SUGCT: variants seen among roughly 807,000 people sequenced by gnomAD.
The protein encoded by SUGCT is succinyl-CoA:glutarate CoA-transferase.
In SUGCT, 41 loss-of-function variants were observed where a neutral mutation model predicts 55.0. The observed-to-expected ratio is 0.74, with a 90% CI of 0.58 to 0.97. The LOEUF is 0.97. SUGCT is among the 50% of genes least tolerant of loss of function. The pLI, the probability that SUGCT is intolerant of heterozygous loss-of-function variation, is 0.00. For missense variants in SUGCT, 568 were observed against 547.8 expected, an observed-to-expected ratio of 1.04 and a Z score of -0.37; for synonymous variants, 187 against 200.4, an observed-to-expected ratio of 0.93 and a Z score of 0.56.
At chr7:40,325,787 C>G (rs966430424) in intron 9 of SUGCT, among the ~76,000 whole-genome samples, 1 of 151,906 alleles carries the variant, frequency 6.6e-6, no homozygotes, top group Non-Finnish European at 1.5e-5. Flanking sequence ...GCCTGGGCGA[C>G]GAGCAAAACT....
At chr7:40,820,500 C>T (rs1448612727) in intron 13 of SUGCT, among the ~76,000 whole-genome samples, 2 of 152,086 alleles carry the variant, frequency 1.3e-5, no homozygotes, top group African/African-American at 4.8e-5. Context: ...AAGTTGGATT[C>T]CTAGGTACTT....
At chr7:40,260,682 C>A (rs1791161651) in intron 7 of SUGCT, among the ~76,000 whole-genome samples, 1 of 152,172 alleles carries the variant, frequency 6.6e-6, no homozygotes, top group Admixed American at 6.5e-5. Context: ...GATGGTGTCT[C>A]ACTCTGTTGC....
chr7:40,271,641 C>T (rs1792023852), intron 7 of SUGCT, among the ~76,000 whole-genome samples: 1 of 152,048 alleles, frequency 6.6e-6, no homozygotes, highest in Non-Finnish European at 1.5e-5. Flanking sequence ...TGTTGATATA[C>T]CCATCATCAC....
At chr7:40,954,114 C>T in the SUGCT span, among the ~76,000 whole-genome samples, 4 of 152,312 alleles carry the variant, frequency 2.6e-5, no homozygotes, top group African/African-American at 9.6e-5. Context: ...TTCGAGCTTC[C>T]TGGCCACTTT....
chr7:40,306,791 C>G (rs766303148), intron 8 of SUGCT, among the ~76,000 whole-genome samples: 3 of 152,164 alleles, frequency 2.0e-5, no homozygotes, highest in Non-Finnish European at 4.4e-5. Context: ...CATAACCACT[C>G]TTTGAGTCAT....
chr7:40,671,517 T>G (rs1231742895), intron 12 of SUGCT, among the ~76,000 whole-genome samples: 1 of 152,146 alleles, frequency 6.6e-6, no homozygotes, highest in Non-Finnish European at 1.5e-5. Context: ...TTCAACAAGT[T>G]AGGGGGTGCA....
intron 11 of SUGCT, among the ~76,000 whole-genome samples, chr7:40,468,254 G>A (rs1790226622): frequency 2.0e-5 from 3 of 152,134 alleles, no homozygotes; most frequent in South Asian, 2.1e-4. Context: ...TTATGTGTAC[G>A]TTTTTCACTG....
At chr7:41,037,514 T>A in the SUGCT span, among the ~76,000 whole-genome samples, 2 of 152,136 alleles carry the variant, frequency 1.3e-5, no homozygotes, top group African/African-American at 2.4e-5. Flanking sequence ...TTTTTTTTTT[T>A]TTATTTCAGA....
At chr7:40,290,019 T>A (rs1025339529) in intron 8 of SUGCT, among the ~76,000 whole-genome samples, 4 of 152,148 alleles carry the variant, frequency 2.6e-5, no homozygotes, top group Admixed American at 2.0e-4. Flanking sequence ...TACAAACAAA[T>A]GGAAGAACAT....
At chr7:40,451,418 C>G (rs570604053) in intron 10 of SUGCT, among the ~76,000 whole-genome samples, 9 of 152,240 alleles carry the variant, frequency 5.9e-5, no homozygotes, top group Non-Finnish European at 8.8e-5. Context: ...TATTTCAAAG[C>G]AGAATATTTG....
intron 12 of SUGCT, among the ~76,000 whole-genome samples, chr7:40,667,117 A>G (rs1018381987): frequency 6.6e-6 from 1 of 152,014 alleles, no homozygotes; most frequent in Admixed American, 6.6e-5. Context: ...AAAAAAAAAA[A>G]AAAAAATGCT....
chr7:40,699,514 T>A (rs1411586765), intron 12 of SUGCT, among the ~76,000 whole-genome samples: 1 of 152,178 alleles, frequency 6.6e-6, no homozygotes, highest in Non-Finnish European at 1.5e-5. Flanking sequence ...TGCAGAGGTA[T>A]GTTGTAAAGG....
At chr7:40,446,018 G>C (rs563409746) in intron 9 of SUGCT, among the ~76,000 whole-genome samples, 3 of 152,050 alleles carry the variant, frequency 2.0e-5, no homozygotes, top group Admixed American at 1.3e-4. Flanking sequence ...CAGATGAAGA[G>C]ATGTGTATTG....
At chr7:40,624,753 T>C (rs1278051429) in intron 12 of SUGCT, among the ~76,000 whole-genome samples, 5 of 149,074 alleles carry the variant, frequency 3.4e-5, no homozygotes, top group Admixed American at 1.4e-4. Context: ...CCTCTGTCTC[T>C]GTAAAACGTT....
intron 9 of SUGCT, among the ~76,000 whole-genome samples, chr7:40,323,567 GT>G (rs796753126): frequency 6.6e-6 from 1 of 151,776 alleles, no homozygotes; most frequent in Non-Finnish European, 1.5e-5. Flanking sequence ...TATTTAAAAA[GT>G]TTTTTTTAGA....
At chr7:40,587,715 T>C (rs972849577) in intron 12 of SUGCT, among the ~76,000 whole-genome samples, 1 of 152,146 alleles carries the variant, frequency 6.6e-6, no homozygotes, top group Non-Finnish European at 1.5e-5. Flanking sequence ...TAAATGAAAA[T>C]AGCTACCATA....
intron 9 of SUGCT, among the ~76,000 whole-genome samples, chr7:40,409,219 G>A (rs756603944): frequency 5.9e-5 from 9 of 152,102 alleles, no homozygotes; most frequent in Non-Finnish European, 1.3e-4. Flanking sequence ...CCTCTCCAAA[G>A]TGCTGGGATT....
chr7:40,323,109 G>A (rs1795839988), intron 9 of SUGCT, among the ~76,000 whole-genome samples: 1 of 148,864 alleles, frequency 6.7e-6, no homozygotes, highest in Non-Finnish European at 1.5e-5. Context: ...ATATGGCTCT[G>A]TTAATCTCTC....
rs1562729061 is a variant in SUGCT at position 40,377,229 on chromosome 7, TCTTCCCTTCCTTCCTTCCTTCTTTC to T, written c.816+60375_816+60399del. ...TTTTCTTTTCTTTCTTTTCTTTCTT[TCTTCCCTTCCTTCCTTCCTTCTTTC>T]TTTTTTGAGACCTAGTCTCACTCTA... On this transcript the variant is annotated intron_variant, in intron 9 of 13. Transcript: ENST00000335693. 2.8e-3 allele frequency among the ~76,000 whole-genome samples: 55 copies of T among 19,948 alleles called. 16 individuals carry two copies. The highest frequency in any genetic ancestry group is 3.6e-3 in the Non-Finnish European group (29 of 8,022). The allele number at this position is 19,948 out of a possible 152,430, so 13.1% of individuals were successfully genotyped here. A position where few individuals can be genotyped will look rare whatever the true frequency, so the allele number is the denominator to read the frequency against.
Sources: allele counts gnomAD v4.1 joint callset (sites outside exome capture counted in the v4.1 genomes callset), GRCh38; gene constraint gnomAD v4.1.1; transcripts MANE v1.5; gene names NCBI Gene and HGNC (gene_info 2026-07-23, HGNC 2026-07-21).